Variants in EXOC4 observed in about 807,000 individuals in gnomAD.
EXOC4 encodes the protein SEC8-like 1.
Under a neutral mutation model 107.2 loss-of-function variants are expected in EXOC4, and 71 were observed. That is an observed-to-expected ratio of 0.66 (90% CI 0.55 to 0.81). The LOEUF is 0.81. EXOC4 is among the 30% of genes least tolerant of loss of function. The probability of loss-of-function intolerance (pLI) is 0.00; values close to 1 mark genes in which losing one functional copy is unlikely to be tolerated. For synonymous variants in EXOC4, 456 were observed against 441.2 expected, an observed-to-expected ratio of 1.03 and a Z score of -0.42; for missense variants, 1,108 against 1,189.6, an observed-to-expected ratio of 0.93 and a Z score of 1.01.
chr7:134,064,172 C>A, intron 17 of EXOC4, 119 bp from the exon 18 acceptor site: 1 of 590,542 alleles, frequency 1.7e-6, no homozygotes, highest in Non-Finnish European at 2.8e-6. Context: ...AGAACACTGC[C>A]TGCTGATCAA....
At chr7:133,596,072 C>G (rs1040185044) in intron 9 of EXOC4, among the ~76,000 whole-genome samples, 2 of 152,194 alleles carry the variant, frequency 1.3e-5, no homozygotes, top group Admixed American at 1.3e-4. Flanking sequence ...TTTCCGCTTC[C>G]GCCCTTGTCT....
chr7:133,974,464 G>T (rs1010221417), intron 14 of EXOC4, among the ~76,000 whole-genome samples: 1 of 152,112 alleles, frequency 6.6e-6, no homozygotes, highest in Admixed American at 6.5e-5. Context: ...GTTTTCCTTA[G>T]GATATACTGT....
intron 7 of EXOC4, among the ~76,000 whole-genome samples, chr7:133,389,908 A>AG (rs952324489): frequency 1.3e-5 from 2 of 151,912 alleles, no homozygotes; most frequent in Non-Finnish European, 2.9e-5. Context: ...AAAAAAAAAA[A>AG]AAATGCATGT....
At chr7:134,017,078 T>C (rs1173986495) in intron 17 of EXOC4, among the ~76,000 whole-genome samples, 1 of 152,212 alleles carries the variant, frequency 6.6e-6, no homozygotes, top group Admixed American at 6.5e-5. Flanking sequence ...AGAAGCACAA[T>C]ATTTGTCACA....
At chr7:133,963,548 C>T (rs1205473099) in intron 14 of EXOC4, among the ~76,000 whole-genome samples, 2 of 152,100 alleles carry the variant, frequency 1.3e-5, no homozygotes, top group Admixed American at 6.5e-5. Flanking sequence ...TGTTGTGGGC[C>T]TCAGAACCCC....
At chr7:133,446,533 C>T (rs976601739) in intron 7 of EXOC4, among the ~76,000 whole-genome samples, 10 of 152,134 alleles carry the variant, frequency 6.6e-5, no homozygotes, top group African/African-American at 2.2e-4. Flanking sequence ...ACTCAGGGCA[C>T]GGTCCTCAGT....
intron 4 of EXOC4, among the ~76,000 whole-genome samples, chr7:133,316,242 C>T (rs926433174): frequency 3.9e-5 from 6 of 152,080 alleles, no homozygotes; most frequent in Admixed American, 2.6e-4. Context: ...GTGGTGGGGG[C>T]AGATGTTGTT....
intron 7 of EXOC4, among the ~76,000 whole-genome samples, chr7:133,447,660 A>G (rs1253870836): frequency 6.6e-6 from 1 of 152,010 alleles, no homozygotes; most frequent in Non-Finnish European, 1.5e-5. Flanking sequence ...AAATATTAAG[A>G]AAATAGAGAA....
intron 10 of EXOC4, among the ~76,000 whole-genome samples, chr7:133,646,312 G>T (rs1340198744): frequency 1.3e-5 from 2 of 152,124 alleles, no homozygotes; most frequent in East Asian, 3.9e-4. Context: ...TCATAGCTTG[G>T]AAAAGAGGAA....
chr7:133,558,206 C>CTTTTCTTTTCTTTTT lies in EXOC4; in HGVS notation c.1418-71825_1418-71824insTTTTTCTTTTCTTTT, dbSNP rs1563107409. Reference sequence around the variant, plus strand: ...GGTTCCTTCTCTTTTCTTTTCTTTTCTTTTCTTTTCTTTTCTTTTCTTTTC... The same window carrying CTTTTCTTTTCTTTTT: ...GGTTCCTTCTCTTTTCTTTTCTTTTCTTTTCTTTTCTTTTTTTTTCTTTTCTTTTCTTTTCTTTTC... On this transcript the variant is annotated intron_variant, in intron 9 of 17. Coordinates refer to ENST00000253861, the MANE Select transcript of EXOC4 (RefSeq NM_021807.4). Among the ~76,000 whole-genome samples the CTTTTCTTTTCTTTTT allele has an allele frequency of 3.6e-3, 488 of 134,408 alleles. 9 individuals are homozygous for CTTTTCTTTTCTTTTT. The highest frequency in any genetic ancestry group is 8.6e-3 in the East Asian group (38 of 4,430). 88.2% of individuals were successfully genotyped at this position (134,408 alleles called of 152,430 possible). A position where few individuals can be genotyped will look rare whatever the true frequency, so the allele number is the denominator to read the frequency against.
intron 9 of EXOC4, among the ~76,000 whole-genome samples, chr7:133,536,967 G>A (rs979198095): frequency 6.6e-6 from 1 of 152,116 alleles, no homozygotes; most frequent in Non-Finnish European, 1.5e-5. Context: ...ACATGACTAT[G>A]TCTAGATACA....
chr7:134,029,438 C>T (rs955061112), intron 17 of EXOC4, among the ~76,000 whole-genome samples: 7 of 152,142 alleles, frequency 4.6e-5, no homozygotes, highest in Admixed American at 2.6e-4. Context: ...TGGAGAATAG[C>T]GGGGAAGGGG....
chr7:133,294,349 G>A (rs1156407723), intron 3 of EXOC4, among the ~76,000 whole-genome samples: 3 of 152,130 alleles, frequency 2.0e-5, no homozygotes, highest in East Asian at 1.9e-4. Flanking sequence ...ACTTACACAA[G>A]TTCTGATTTA....
intron 5 of EXOC4, among the ~76,000 whole-genome samples, chr7:133,343,035 C>T (rs1795701097): frequency 6.6e-6 from 1 of 151,998 alleles, no homozygotes; most frequent in Non-Finnish European, 1.5e-5. Flanking sequence ...TCAGTGATTT[C>T]TGCTTGGTTT....
At chr7:133,549,991 G>A (rs775543398) in intron 9 of EXOC4, among the ~76,000 whole-genome samples, 2 of 152,146 alleles carry the variant, frequency 1.3e-5, no homozygotes, top group East Asian at 1.9e-4. Context: ...ATAGCCATAA[G>A]TTGTACAAAA....
chr7:134,030,948 A>G (rs1265993933), intron 17 of EXOC4, among the ~76,000 whole-genome samples: 1 of 152,090 alleles, frequency 6.6e-6, no homozygotes, highest in East Asian at 1.9e-4. Flanking sequence ...ACCCTGACTG[A>G]TCTCCTACAA....
At chr7:133,696,235 C>G (rs1265667509) in intron 10 of EXOC4, among the ~76,000 whole-genome samples, 1 of 152,174 alleles carries the variant, frequency 6.6e-6, no homozygotes, top group South Asian at 2.1e-4. Flanking sequence ...TCATGCCAAA[C>G]CAGTTTCTGT....
chr7:133,844,078 A>G (rs1401226036), intron 11 of EXOC4, among the ~76,000 whole-genome samples: 1 of 152,080 alleles, frequency 6.6e-6, no homozygotes, highest in Admixed American at 6.6e-5. Context: ...TATTTTGTTG[A>G]GGACCTTGGC....
intron 11 of EXOC4, among the ~76,000 whole-genome samples, chr7:133,861,176 A>G (rs116859862): frequency 0.014 from 2,165 of 152,332 alleles, 13 homozygotes; most frequent in Non-Finnish European, 0.021. Flanking sequence ...ACTAAGTCAT[A>G]GAAGAGAACC....
Sources: allele counts gnomAD v4.1 joint callset (sites outside exome capture counted in the v4.1 genomes callset), GRCh38; gene constraint gnomAD v4.1.1; transcripts MANE v1.5; gene names NCBI Gene and HGNC (gene_info 2026-07-23, HGNC 2026-07-21).